The following TENM4 variants were observed in gnomAD, a reference collection of about 807,000 sequenced individuals.
TENM4 encodes teneurin-4.
In TENM4, 82 loss-of-function variants were observed where a neutral mutation model predicts 243.3. The observed-to-expected ratio is 0.34, with a 90% CI of 0.28 to 0.40. The LOEUF (loss-of-function observed/expected upper bound fraction) is 0.40, where lower values mean the gene tolerates loss of function less well. Ranked by LOEUF, TENM4 falls within the 10% of genes least tolerant of loss-of-function variation. The pLI is 1.00. For synonymous variants in TENM4, 1,412 were observed against 1,456.3 expected (o/e 0.97, Z 0.69); for missense variants, 3,138 against 3,673.3 (o/e 0.85, Z 3.77).
At chr11:79,072,255 G>C (rs896147455) in intron 4 of TENM4, among the ~76,000 whole-genome samples, 2 of 152,176 alleles carry the variant, frequency 1.3e-5, no homozygotes, top group East Asian at 3.9e-4. Flanking sequence ...AGGAGGCGAA[G>C]TGGAAGGATC....
rs1859428459 is a variant in TENM4, at chr11:78,712,697, T to C, written c.3839A>G (p.Lys1280Arg). The change falls in exon 26 of 34, where the codon AAA becomes AGA. Residue 1280 changes from lysine to arginine, a missense_variant. By Grantham distance (26) the Lys-to-Arg change is conservative (BLOSUM62 2). This residue lies in a region of TENM4 where 2,467 missense variants were observed against 3,059.1 expected (regional missense o/e 0.81). Transcript: ENST00000278550. ...DFRHSHSPAHKYYLATDPMSG... is the reference protein window; with the variant it reads ...DFRHSHSPAHRYYLATDPMSG... The stretch of plus-strand genomic sequence containing the variant: ...CATGGGGTCTGTGGCCAGGTAGTAT[T>C]TGTGTGCTGGACTGTGACTAGAAAA... 1 of 1,614,012 alleles carries C rather than the reference T, an allele frequency of 6.2e-7. No individual in the cohort carries two copies. The highest frequency in any genetic ancestry group is 1.3e-5 in the African/African-American group (1 of 75,054).
At chr11:79,395,386 C>T (rs957165817) in intron 1 of TENM4, among the ~76,000 whole-genome samples, 1 of 152,214 alleles carries the variant, frequency 6.6e-6, no homozygotes, top group Admixed American at 6.5e-5. Flanking sequence ...ATCACACAGA[C>T]TCCATTCCTA....
intron 2 of TENM4, among the ~76,000 whole-genome samples, chr11:79,238,774 T>A (rs1864530233): frequency 6.6e-6 from 1 of 152,138 alleles, no homozygotes; most frequent in African/African-American, 2.4e-5. Context: ...ACCTGTAATC[T>A]AACACTTTGT....
chr11:78,659,793 C>T (rs1275541446), intron 33 of TENM4, among the ~76,000 whole-genome samples: 1 of 152,246 alleles, frequency 6.6e-6, no homozygotes, highest in Non-Finnish European at 1.5e-5. Context: ...TATCATCTAC[C>T]TGTCCCTTCT....
chr11:79,299,689 T>C (rs188916509), intron 1 of TENM4, among the ~76,000 whole-genome samples: 257 of 152,310 alleles, frequency 1.7e-3, no homozygotes, highest in Middle Eastern at 3.4e-3. Flanking sequence ...GATAACCTAA[T>C]ACCCAGGAAT....
At chr11:79,010,544 A>G (rs113330427) in intron 6 of TENM4, among the ~76,000 whole-genome samples, 1 of 152,142 alleles carries the variant, frequency 6.6e-6, no homozygotes, top group Non-Finnish European at 1.5e-5. Flanking sequence ...ACAGTTCCAC[A>G]TGGCTGGGGA....
At chr11:78,726,982 A>G (rs1304869400) in intron 22 of TENM4, among the ~76,000 whole-genome samples, 1 of 152,226 alleles carries the variant, frequency 6.6e-6, no homozygotes, top group African/African-American at 2.4e-5. Flanking sequence ...GGAAACTTAG[A>G]TGTAATCTAA....
At chr11:79,341,059 G>A (rs1458683870) in intron 1 of TENM4, among the ~76,000 whole-genome samples, 2 of 152,104 alleles carry the variant, frequency 1.3e-5, no homozygotes, top group Non-Finnish European at 2.9e-5. Context: ...GCTGGGGAGA[G>A]ACCACACACC....
intron 12 of TENM4, among the ~76,000 whole-genome samples, chr11:78,815,501 G>A (rs116309665): frequency 6.6e-4 from 101 of 152,000 alleles, no homozygotes; most frequent in Middle Eastern, 3.2e-3. Flanking sequence ...CTCCTAATAC[G>A]TTTGTTACAT....
Position 78,772,940 on chromosome 11 carries a change from T to C in TENM4, c.2393-1802A>G, listed in dbSNP as rs538188131. 4.6e-5 allele frequency among the ~76,000 whole-genome samples: 7 copies of C among 152,292 alleles called. No individual in the cohort carries two copies. The South Asian group carries it at 1.5e-3, about 32-fold the overall frequency. On this transcript the variant is annotated intron_variant, in intron 17 of 33. Coordinates refer to ENST00000278550, the MANE Select transcript of TENM4 (RefSeq NM_001098816.3). ...CCAGCATGGCCACCCCAAAAAGTGA[T>C]TGAGAAAGAAGTTTTAAAAGCGAGC...
chr11:78,906,780 C>T (rs2136338814), intron 6 of TENM4, among the ~76,000 whole-genome samples: 3 of 152,316 alleles, frequency 2.0e-5, no homozygotes, highest in Middle Eastern at 6.8e-3. Flanking sequence ...ATACTGATGT[C>T]CACATGTTGC....
chr11:79,373,758 C>T (rs956861611), intron 1 of TENM4, among the ~76,000 whole-genome samples: 1 of 152,068 alleles, frequency 6.6e-6, no homozygotes, highest in Non-Finnish European at 1.5e-5. Flanking sequence ...AAATTAAAAA[C>T]CTTATATGAA....
At chr11:78,853,969 G>A in intron 12 of TENM4, 135 bp downstream of exon 12, 1 of 838,798 alleles carries the variant, frequency 1.2e-6, no homozygotes, top group Non-Finnish European at 1.8e-6. Context: ...GCCCAGTCAG[G>A]AGGGTCTCGT....
intron 4 of TENM4, among the ~76,000 whole-genome samples, chr11:79,107,256 C>G (rs72933170): frequency 0.046 from 6,972 of 151,952 alleles, 170 homozygotes; most frequent in Non-Finnish European, 0.056. Context: ...TTACTGTATA[C>G]AAGACTGCAC....
chr11:79,403,672 C>G lies in TENM4; in HGVS notation c.-321+36837G>C, dbSNP rs76994032. On this transcript the variant is annotated intron_variant, in intron 1 of 33. Transcript: ENST00000278550. ...CACATTCTCCCATTCCTCCCACCCC[C>G]AGTTGTCTTCCCTCAACCACTATCC... 1.2e-3 allele frequency among the ~76,000 whole-genome samples: 189 copies of G among 152,200 alleles called. 7 individuals carry two copies. In the East Asian group the frequency reaches 0.033, roughly 26 times the overall value.
chr11:79,308,515 T>A (rs1353897560), intron 1 of TENM4, among the ~76,000 whole-genome samples: 1 of 152,240 alleles, frequency 6.6e-6, no homozygotes, highest in Non-Finnish European at 1.5e-5. Flanking sequence ...TCCCAGAGAC[T>A]GCTAATGCTA....
chr11:78,800,439 T>C (rs1015771987), intron 15 of TENM4, among the ~76,000 whole-genome samples: 3 of 151,936 alleles, frequency 2.0e-5, no homozygotes, highest in African/African-American at 7.3e-5. Context: ...GCACAGAGAT[T>C]TGGTGTTAGC....
chr11:79,331,799 A>C (rs537944682), intron 1 of TENM4, among the ~76,000 whole-genome samples: 10 of 152,198 alleles, frequency 6.6e-5, no homozygotes, highest in African/African-American at 2.4e-4. Flanking sequence ...AGCTCAGCCT[A>C]CCAGCCTCTC....
At chr11:79,086,981 CA>C (rs1312994260) in intron 4 of TENM4, among the ~76,000 whole-genome samples, 1 of 151,680 alleles carries the variant, frequency 6.6e-6, no homozygotes, top group Admixed American at 6.6e-5. Context: ...GATAACTTAC[CA>C]AAATTATATT....
Sources: gnomAD v4.1 joint callset for allele counts (sites outside exome capture counted in the v4.1 genomes callset) on GRCh38, gnomAD v4.1.1 for gene constraint, gnomAD v4.1.1 regional missense constraint, MANE v1.5 for transcripts, NCBI Gene and HGNC (gene_info 2026-07-23, HGNC 2026-07-21) for gene names.